The following CTBP2 variants were observed in gnomAD, a reference collection of about 807,000 sequenced individuals.
The protein encoded by CTBP2 is C-terminal-binding protein 2.
A neutral mutation model predicts 80.3 loss-of-function variants in CTBP2; 30 were observed. The observed-to-expected ratio is 0.37, with a 90% confidence interval of 0.28 to 0.51. The LOEUF (loss-of-function observed/expected upper bound fraction) is 0.51. Among genes scored for constraint, CTBP2 ranks in the 20% least tolerant of loss-of-function variants. The probability of loss-of-function intolerance (pLI) is 0.93; values close to 1 mark genes in which losing one functional copy is unlikely to be tolerated. For missense variants in CTBP2, 1,212 were observed against 1,375.3 expected (o/e 0.88, Z 1.88); for synonymous variants, 594 against 587.4 (o/e 1.01, Z -0.16).
chr10:125,104,496 T>C (rs1419505285), intron 2 of CTBP2, among the ~76,000 whole-genome samples: 5 of 152,230 alleles, frequency 3.3e-5, no homozygotes, highest in Non-Finnish European at 7.3e-5. Context: ...AACCACATTA[T>C]GAAATATGTA....
chr10:125,124,502 C>T (rs763011239), intron 1 of CTBP2, among the ~76,000 whole-genome samples: 22 of 152,146 alleles, frequency 1.4e-4, no homozygotes, highest in Non-Finnish European at 2.9e-4. Context: ...ACTAGGTACA[C>T]GTGTATAGAT....
At chr10:125,062,971 T>C (rs546049090) in intron 2 of CTBP2, among the ~76,000 whole-genome samples, 3 of 152,374 alleles carry the variant, frequency 2.0e-5, no homozygotes, top group East Asian at 1.9e-4. Flanking sequence ...CAGACAACTA[T>C]GCTCAGATGA....
chr10:125,145,264 G>A (rs1239127650), intron 1 of CTBP2, among the ~76,000 whole-genome samples: 2 of 152,174 alleles, frequency 1.3e-5, no homozygotes, highest in Admixed American at 6.5e-5. Context: ...CCCTGGAGGA[G>A]GTGGCTAAAA....
intron 2 of CTBP2, 60 bp downstream of exon 4, chr10:125,003,278 A>G: frequency 6.3e-7 from 1 of 1,591,818 alleles, no homozygotes; most frequent in East Asian, 2.2e-5. Context: ...TAATGGGGGG[A>G]TGCTGGGGAG....
At chr10:124,999,783 T>C (rs1465514980) in intron 3 of CTBP2, 1 of 152,276 alleles carries the variant, frequency 6.6e-6, no homozygotes, top group African/African-American at 2.4e-5. Flanking sequence ...GCCATGTTAT[T>C]ATTAAGTCAG....
chr10:125,020,029 A>G (rs1956885621), intron 1 of CTBP2, among the ~76,000 whole-genome samples: 1 of 152,160 alleles, frequency 6.6e-6, no homozygotes, highest in Admixed American at 6.5e-5. Flanking sequence ...TTGAAAGTAG[A>G]GTTAAAGCAA....
At position 124,994,268 on chromosome 10, in the gene CTBP2, C is replaced by T. The variant is rs115449381; in HGVS notation, c.2400+201G>A. ...GCTTCTGAAGCTGGGTCCTGGCTAG[C>T]GCCTGTCCTTCTCTGCTTAGCCTGG... On this transcript the variant is annotated intron_variant, in intron 5 of 8. Transcript: ENST00000309035. Among the ~76,000 whole-genome samples the T allele has an allele frequency of 5.7e-3, 874 of 152,324 alleles. 12 individuals are homozygous for T. Among genetic ancestry groups the T allele is most frequent in the African/African-American group, 0.02 (823 of 41,576 alleles).
chr10:125,073,825 G>A (rs909928873), intron 2 of CTBP2, among the ~76,000 whole-genome samples: 3 of 152,190 alleles, frequency 2.0e-5, no homozygotes, highest in Non-Finnish European at 4.4e-5. Flanking sequence ...TCCGGACATG[G>A]CGACATATGA....
chr10:125,105,272 T>C (rs1042012037), intron 2 of CTBP2, among the ~76,000 whole-genome samples: 12 of 152,222 alleles, frequency 7.9e-5, no homozygotes, highest in Admixed American at 2.6e-4. Context: ...CCAGCTACTC[T>C]GGAACCTGAG....
chr10:125,125,877 A>T (rs1855152151), intron 1 of CTBP2, among the ~76,000 whole-genome samples: 1 of 152,216 alleles, frequency 6.6e-6, no homozygotes, highest in Non-Finnish European at 1.5e-5. Flanking sequence ...TCAAATCAGA[A>T]GAAGTGTAAA....
intron 1 of CTBP2, among the ~76,000 whole-genome samples, chr10:125,018,585 A>AAACT (rs1162023151): frequency 6.7e-6 from 1 of 149,152 alleles, no homozygotes; most frequent in African/African-American, 2.5e-5. Context: ...ACAAACAAAC[A>AAACT]AACTCCACAA....
chr10:125,148,641 C>T (rs1047132350), intron 1 of CTBP2, among the ~76,000 whole-genome samples: 11 of 152,194 alleles, frequency 7.2e-5, no homozygotes, highest in African/African-American at 1.2e-4. Context: ...TCATCCTCTA[C>T]GGACATGAGA....
chr10:125,013,863 C>G (rs1320166142), intron 1 of CTBP2, among the ~76,000 whole-genome samples: 1 of 152,222 alleles, frequency 6.6e-6, no homozygotes, highest in Non-Finnish European at 1.5e-5. Context: ...CAGACATCAT[C>G]AGGCCTGGCC....
Position 124,987,734 on chromosome 10 carries a change from A to G in CTBP2, c.*1784T>C, listed in dbSNP as rs1160082074. 1 of 152,194 alleles carries G rather than the reference A, an allele frequency of 6.6e-6. No homozygotes were observed. The highest frequency in any genetic ancestry group is 1.5e-5 in the Non-Finnish European group (1 of 68,026). 9.4% of individuals were successfully genotyped at this position (152,194 alleles called of 1,614,324 possible). ...GAGCAGACAAGGCCAGGCAAGCCAA[A>G]GGCTTTAAGACACCATGATTTTCTT... On this transcript the variant is annotated 3_prime_UTR_variant, in exon 9 of 9. Coordinates refer to ENST00000309035, the MANE Select transcript of CTBP2 (RefSeq NM_022802.3).
At chr10:125,041,062 A>T (rs538184668) in intron 2 of CTBP2, among the ~76,000 whole-genome samples, 148 of 152,300 alleles carry the variant, frequency 9.7e-4, no homozygotes, top group African/African-American at 3.3e-3. Flanking sequence ...GACGTATTTT[A>T]AAAATTGGTT....
intron 2 of CTBP2, among the ~76,000 whole-genome samples, chr10:125,047,317 C>T (rs949773443): frequency 2.6e-5 from 4 of 152,012 alleles, no homozygotes; most frequent in South Asian, 2.1e-4. Flanking sequence ...GATCTGTAGC[C>T]GAGAAGACTG....
intron 2 of CTBP2, among the ~76,000 whole-genome samples, chr10:125,082,934 T>G (rs747533297): frequency 6.6e-6 from 1 of 152,158 alleles, no homozygotes; most frequent in Non-Finnish European, 1.5e-5. Flanking sequence ...GCCTCGGCAT[T>G]ACCTTCTACT....
chr10:125,145,633 A>G (rs1168026694), intron 1 of CTBP2, among the ~76,000 whole-genome samples: 2 of 152,126 alleles, frequency 1.3e-5, no homozygotes, highest in East Asian at 3.9e-4. Flanking sequence ...GTCTTTCTCA[A>G]TGACATTCAC....
At chr10:125,136,223 G>A (rs1856957187) in intron 1 of CTBP2, among the ~76,000 whole-genome samples, 1 of 152,168 alleles carries the variant, frequency 6.6e-6, no homozygotes, top group East Asian at 1.9e-4. Flanking sequence ...GGGAGGGTGA[G>A]CTGGGAGGGA....
Sources: allele counts gnomAD v4.1 joint callset (sites outside exome capture counted in the v4.1 genomes callset), GRCh38; gene constraint gnomAD v4.1.1; transcripts MANE v1.5; gene names NCBI Gene and HGNC (gene_info 2026-07-23, HGNC 2026-07-21).